Variants in PLPP3 observed in about 807,000 individuals in gnomAD.
PLPP3 encodes the protein phospholipid phosphatase 3, also known as PAP2 beta.
Under a neutral mutation model 29.6 loss-of-function variants are expected in PLPP3, and 6 were observed. The ratio of observed to expected loss-of-function variants is 0.20; its 90% CI spans 0.11 to 0.40. The LOEUF (loss-of-function observed/expected upper bound fraction) is 0.40, where lower values mean the gene tolerates loss of function less well. Ranked by LOEUF, PLPP3 falls within the 10% of genes least tolerant of loss-of-function variation. The pLI, the probability that PLPP3 is intolerant of heterozygous loss-of-function variation, is 1.00. For synonymous variants in PLPP3, 152 were observed against 159.7 expected, an observed-to-expected ratio of 0.95 and a Z score of 0.36; for missense variants, 308 against 407.7, an observed-to-expected ratio of 0.76 and a Z score of 2.11.
chr1:56,576,074 T>G (rs1215157015), intron 1 of PLPP3, among the ~76,000 whole-genome samples: 1 of 152,204 alleles, frequency 6.6e-6, no homozygotes, highest in African/African-American at 2.4e-5. Context: ...TGTCTTGGCT[T>G]TCAAACAAGA....
chr1:56,572,539 T>C (rs1646206915), intron 1 of PLPP3, among the ~76,000 whole-genome samples: 1 of 152,198 alleles, frequency 6.6e-6, no homozygotes, highest in African/African-American at 2.4e-5. Context: ...CAAAGCCTAT[T>C]GAGGTTCCTG....
At chr1:56,537,498 G>C (rs771650381) in intron 1 of PLPP3, among the ~76,000 whole-genome samples, 3 of 152,132 alleles carry the variant, frequency 2.0e-5, no homozygotes, top group Non-Finnish European at 4.4e-5. Context: ...TCATTTCTTA[G>C]CTCTTAACCA....
chr1:56,537,571 A>C (rs182984810), intron 1 of PLPP3, among the ~76,000 whole-genome samples: 286 of 152,224 alleles, frequency 1.9e-3, no homozygotes, highest in African/African-American at 6.7e-3. Context: ...TTGGAGTAAA[A>C]AAATCTGGAT....
intron 5 of PLPP3, among the ~76,000 whole-genome samples, chr1:56,497,168 C>T (rs1448771599): frequency 6.6e-6 from 1 of 152,198 alleles, no homozygotes; most frequent in African/African-American, 2.4e-5. Context: ...TTCCTGAAAA[C>T]TTAGTGATAT....
rs72664354 is a variant in PLPP3, at chr1:56,538,745, A to G, written c.140-1633T>C. ...AATGTGCATATTGAGCACATTAAGC[A>G]CTCCAAGAGCTGAGATAACTTCCTA... On this transcript the variant is annotated intron_variant, in intron 1 of 5. Coordinates refer to ENST00000371250, the MANE Select transcript of PLPP3 (RefSeq NM_003713.5). 8.2e-3 allele frequency: 1,576 copies of G among 191,756 alleles called. 21 individuals carry two copies. Among genetic ancestry groups the G allele is most frequent in the African/African-American group, 0.035 (1,498 of 42,322 alleles). 11.9% of individuals were successfully genotyped at this position (191,756 alleles called of 1,614,324 possible). A position where few individuals can be genotyped will look rare whatever the true frequency, so the allele number is the denominator to read the frequency against.
chr1:56,541,740 T>C (rs561786711), intron 1 of PLPP3, among the ~76,000 whole-genome samples: 1 of 152,262 alleles, frequency 6.6e-6, no homozygotes, highest in Non-Finnish European at 1.5e-5. Context: ...GAAGCATCTA[T>C]AAGTATTAGT....
intron 1 of PLPP3, among the ~76,000 whole-genome samples, chr1:56,560,929 C>T (rs560162294): frequency 6.6e-6 from 1 of 150,492 alleles, no homozygotes; most frequent in South Asian, 2.1e-4. Context: ...GCTCCGCCTC[C>T]AGGGTTCACA....
rs1039447377 is a variant in PLPP3 at position 56,498,047 on chromosome 1, TA to T, written c.811-1372del. On this transcript the variant is annotated intron_variant, in intron 5 of 5. Transcript: ENST00000371250. ...CATATAATAAGTATTATTTTGTTGT[TA>T]AAAAAAAAAAGCTAGGCTATTTCTA... 1.0e-3 allele frequency among the ~76,000 whole-genome samples: 152 copies of T among 145,428 alleles called. 1 individual carries two copies. The highest frequency in any genetic ancestry group is 7.4e-3 in the South Asian group (34 of 4,576).
intron 1 of PLPP3, among the ~76,000 whole-genome samples, chr1:56,561,742 GCTT>G (rs1420259666): frequency 6.6e-6 from 1 of 152,080 alleles, no homozygotes; most frequent in Non-Finnish European, 1.5e-5. Context: ...GAGGTAAGTA[GCTT>G]CTTTTTTGGC....
chr1:56,528,007 T>C (rs1256741780), intron 2 of PLPP3, among the ~76,000 whole-genome samples: 1 of 152,136 alleles, frequency 6.6e-6, no homozygotes, highest in Non-Finnish European at 1.5e-5. Context: ...CCCAGACTCC[T>C]GCCCCTAGAG....
intron 1 of PLPP3, among the ~76,000 whole-genome samples, chr1:56,548,131 T>C (rs1180503663): frequency 1.3e-5 from 2 of 152,198 alleles, no homozygotes; most frequent in African/African-American, 4.8e-5. Flanking sequence ...GTCACTTGCA[T>C]TGAGCAAGAC....
At chr1:56,578,749 G>A (rs1569623614) in intron 1 of PLPP3, 129 bp downstream of exon 1, 1 of 1,043,234 alleles carries the variant, frequency 9.6e-7, no homozygotes, top group Non-Finnish European at 1.2e-6. Context: ...GGCTCCCCAG[G>A]AAGGCTGCGG....
In PLPP3 at chr1:56,495,254, C is replaced by G. The variant is rs1645623693; in HGVS notation, c.*1297G>C. On this transcript the variant is annotated 3_prime_UTR_variant, in exon 6 of 6. Coordinates refer to ENST00000371250, the MANE Select transcript of PLPP3 (RefSeq NM_003713.5). ...GGTTACATTTAACCCTTTGAAAGGT[C>G]TGCATCCAAGATCTAAACGCATTTC... The G allele has an allele frequency of 6.6e-6, 1 of 152,582 alleles. No homozygotes were observed. Among genetic ancestry groups the G allele is most frequent in the Non-Finnish European group, 1.5e-5 (1 of 68,036 alleles). The allele number at this position is 152,582 out of a possible 1,614,324, so 9.5% of individuals were successfully genotyped here.
rs1449371329 is a variant in PLPP3 at position 56,572,033 on chromosome 1, A to G, written c.139+6845T>C. ...ATGACCAGCGTTTCGATCATTTCCA[A>G]TCATTTCTGGTTTTTTTTTTTTTTT... On this transcript the variant is annotated intron_variant, in intron 1 of 5. Coordinates refer to ENST00000371250, the MANE Select transcript of PLPP3 (RefSeq NM_003713.5). Among the ~76,000 whole-genome samples, 5 of 142,090 alleles carry G rather than the reference A, an allele frequency of 3.5e-5. No homozygotes were observed. In the East Asian group the frequency reaches 6.3e-4, roughly 18 times the overall value. 93.2% of individuals were successfully genotyped at this position (142,090 alleles called of 152,430 possible).
chr1:56,508,755 A>G (rs1386524100), intron 5 of PLPP3, among the ~76,000 whole-genome samples: 1 of 152,168 alleles, frequency 6.6e-6, no homozygotes, highest in African/African-American at 2.4e-5. Flanking sequence ...CCCATGAGGC[A>G]GATGCCTGTC....
Position 56,579,040 on chromosome 1 carries a change from C to A in PLPP3, c.-24G>T, listed in dbSNP as rs376788293. On this transcript the variant is annotated 5_prime_UTR_variant, in exon 1 of 6. Transcript: ENST00000371250. ...ATGGCGCTGGCTGCGGCGCGAGCCTCCCGCCCCGCGAAGACGTCCCGCAAC... is the reference window on the plus strand; with the variant it reads ...ATGGCGCTGGCTGCGGCGCGAGCCTACCGCCCCGCGAAGACGTCCCGCAAC... The A allele has an allele frequency of 5.7e-6, 9 of 1,577,460 alleles. No individual in the cohort carries two copies. In the African/African-American group the frequency reaches 9.8e-5, roughly 17 times the overall value.
At chr1:56,540,986 C>G (rs1645965240) in intron 1 of PLPP3, among the ~76,000 whole-genome samples, 1 of 152,158 alleles carries the variant, frequency 6.6e-6, no homozygotes. Flanking sequence ...GTGCTAGACA[C>G]TGGAATTCTG....
Position 56,524,148 on chromosome 1 carries a change from G to A in PLPP3, c.575+129C>T. ...ACATATCTGTCTCAATCATCTGACTGTGAGTTCCTCAAGAATAGGAACTAT... is the reference window on the plus strand; with the variant it reads ...ACATATCTGTCTCAATCATCTGACTATGAGTTCCTCAAGAATAGGAACTAT... On this transcript the variant is annotated intron_variant, in intron 3 of 5. Coordinates refer to ENST00000371250, the MANE Select transcript of PLPP3 (RefSeq NM_003713.5). This position sits in a 1 kb window ranked among gnomAD's most constrained non-coding sequence, Gnocchi z 4.3. The A allele has an allele frequency of 1.8e-6, 2 of 1,129,288 alleles. No individual in the cohort carries two copies. The highest frequency in any genetic ancestry group is 1.3e-6 in the Non-Finnish European group (1 of 785,364). 70.0% of individuals were successfully genotyped at this position (1,129,288 alleles called of 1,614,324 possible).
intron 1 of PLPP3, among the ~76,000 whole-genome samples, chr1:56,576,549 CAG>C (rs1491278822): frequency 6.6e-6 from 1 of 152,114 alleles, no homozygotes; most frequent in Admixed American, 6.6e-5. Flanking sequence ...GGCCTGTGCT[CAG>C]GGGAAACATT....
Sources: allele counts gnomAD v4.1 joint callset (sites outside exome capture counted in the v4.1 genomes callset), GRCh38; gene constraint gnomAD v4.1.1; non-coding constraint Gnocchi (gnomAD v3.1); transcripts MANE v1.5; gene names NCBI Gene and HGNC (gene_info 2026-07-23, HGNC 2026-07-21).